FRS2: variants seen among roughly 807,000 people sequenced by gnomAD.
FRS2 encodes FGFR signalling adaptor.
FRS2 carries 8 observed loss-of-function variants against 43.9 expected under a neutral mutation model. The ratio of observed to expected loss-of-function variants is 0.18; its 90% confidence interval spans 0.11 to 0.33. The LOEUF is 0.33. Among genes scored for constraint, FRS2 ranks in the 10% least tolerant of loss-of-function variants. The pLI is 1.00. For missense variants in FRS2, 534 were observed against 627.6 expected, an observed-to-expected ratio of 0.85 and a Z score of 1.59; for synonymous variants, 219 against 220.3, an observed-to-expected ratio of 0.99 and a Z score of 0.05.
chr12:69,485,570 C>T (rs1592920387), intron 1 of FRS2, among the ~76,000 whole-genome samples: 2 of 152,242 alleles, frequency 1.3e-5, no homozygotes, highest in South Asian at 4.2e-4. Flanking sequence ...GCAACCTCCA[C>T]CTCCCAAGTT....
chr12:69,532,949 A>G (rs1425868429), intron 3 of FRS2, among the ~76,000 whole-genome samples: 2 of 152,216 alleles, frequency 1.3e-5, no homozygotes, highest in East Asian at 1.9e-4. Context: ...AGTCTTTTGT[A>G]TGGCATAGTA....
In FRS2 at chr12:69,578,288, C is replaced by A. The variant is rs1465610506; in HGVS notation, c.*3333C>A. The A allele has an allele frequency of 1.3e-5, 2 of 152,536 alleles. No homozygotes were observed. The highest frequency in any genetic ancestry group is 2.9e-5 in the Non-Finnish European group (2 of 68,010). The allele number at this position is 152,536 out of a possible 1,614,324, so 9.4% of individuals were successfully genotyped here. A position where few individuals can be genotyped will look rare whatever the true frequency, so the allele number is the denominator to read the frequency against. On this transcript the variant is annotated 3_prime_UTR_variant, in exon 9 of 9. Coordinates refer to ENST00000549921, the MANE Select transcript of FRS2 (RefSeq NM_001278356.2). ...GTAACTGATGTATTGGCATCTCATT[C>A]ATATTTCTGATGTGTGAGGTATATG...
intron 3 of FRS2, among the ~76,000 whole-genome samples, chr12:69,545,469 C>T (rs2135717695): frequency 6.6e-6 from 1 of 152,048 alleles, no homozygotes; most frequent in Middle Eastern, 3.4e-3. Context: ...GCAGAGAACC[C>T]AGAAATAGAC....
chr12:69,552,077 G>A (rs963780474), intron 3 of FRS2, among the ~76,000 whole-genome samples: 2 of 151,660 alleles, frequency 1.3e-5, no homozygotes, highest in Non-Finnish European at 2.9e-5. Context: ...AGGCCAAGGC[G>A]GGCAGATCAC....
At position 69,578,918 on chromosome 12, in the gene FRS2, T is replaced by C. The variant is rs1037136839; in HGVS notation, c.*3963T>C. Reference sequence around the variant, plus strand: ...GTTAATTTCTTTTATAAACATTCCATATTTCTCTAATAAAAAGACATAAGT... The same window carrying C: ...GTTAATTTCTTTTATAAACATTCCACATTTCTCTAATAAAAAGACATAAGT... On this transcript the variant is annotated 3_prime_UTR_variant, in exon 9 of 9. Coordinates refer to ENST00000549921, the MANE Select transcript of FRS2 (RefSeq NM_001278356.2). The C allele has an allele frequency of 6.6e-6, 1 of 152,658 alleles. No homozygotes were observed. The highest frequency in any genetic ancestry group is 2.4e-5 in the African/African-American group (1 of 41,464). The allele number at this position is 152,658 out of a possible 1,614,324, so 9.5% of individuals were successfully genotyped here.
chr12:69,549,903 G>C (rs968113407), intron 3 of FRS2, among the ~76,000 whole-genome samples: 4 of 152,152 alleles, frequency 2.6e-5, no homozygotes, highest in Non-Finnish European at 5.9e-5. Context: ...TGAATGTCCA[G>C]TCTCCTTGTG....
intron 1 of FRS2, among the ~76,000 whole-genome samples, chr12:69,517,144 T>C (rs1381054738): frequency 2.6e-5 from 4 of 152,208 alleles, no homozygotes; most frequent in Non-Finnish European, 5.9e-5. Context: ...ACCTTTTCTG[T>C]GTGCAGAATG....
intron 4 of FRS2, among the ~76,000 whole-genome samples, chr12:69,567,888 C>A (rs1880429643): frequency 6.6e-6 from 1 of 152,174 alleles, no homozygotes; most frequent in Admixed American, 6.5e-5. Flanking sequence ...TACATTGTAT[C>A]TGATCGGATC....
intron 3 of FRS2, among the ~76,000 whole-genome samples, chr12:69,545,954 ATTAAC>A (rs201234986): frequency 0.018 from 2,699 of 152,262 alleles, 35 homozygotes; most frequent in Non-Finnish European, 0.019. Context: ...ATATACAAAA[ATTAAC>A]TTAAAATGAA....
At chr12:69,561,918 A>G (rs1237918953) in intron 3 of FRS2, among the ~76,000 whole-genome samples, 1 of 152,232 alleles carries the variant, frequency 6.6e-6, no homozygotes, top group Non-Finnish European at 1.5e-5. Context: ...TGCAAGTATT[A>G]TCGCTGTAGT....
At position 69,572,257 on chromosome 12, in the gene FRS2, T is replaced by G. The variant is rs749773957; in HGVS notation, c.552T>G (p.His184Gln). Reference protein sequence around the residue: ...RLPSVGEESTHPLLVAEEQVH... With the variant: ...RLPSVGEESTQPLLVAEEQVH... ...CTTCAGTAGGGGAAGAATCTACACATCCTTTGCTTGTGGCTGAGGAACAAG... is the reference window on the plus strand; with the variant it reads ...CTTCAGTAGGGGAAGAATCTACACAGCCTTTGCTTGTGGCTGAGGAACAAG... The change falls in exon 8 of 9, where the codon CAT (histidine) becomes CAG (glutamine). Residue 184 changes from histidine to glutamine, a missense_variant. Transcript: ENST00000549921. The G allele has an allele frequency of 1.2e-6, 2 of 1,613,940 alleles. No individual in the cohort carries two copies. Among genetic ancestry groups the G allele is most frequent in the Non-Finnish European group, 1.7e-6 (2 of 1,179,852 alleles).
intron 3 of FRS2, 145 bp from the exon 4 acceptor site, chr12:69,562,035 A>G (rs1879921457): frequency 2.6e-6 from 1 of 383,758 alleles, no homozygotes; most frequent in Non-Finnish European, 4.6e-6. Flanking sequence ...AATTGATGTT[A>G]TATGTTAAAT....
At chr12:69,531,123 A>G (rs1266036149) in intron 2 of FRS2, among the ~76,000 whole-genome samples, 163 bp downstream of exon 2, 9 of 152,056 alleles carry the variant, frequency 5.9e-5, no homozygotes, top group Admixed American at 5.9e-4. Flanking sequence ...TGAGGTCAGG[A>G]ATTCAAGACC....
intron 3 of FRS2, among the ~76,000 whole-genome samples, chr12:69,535,114 T>G (rs1877149362): frequency 6.6e-6 from 1 of 152,158 alleles, no homozygotes; most frequent in Non-Finnish European, 1.5e-5. Context: ...TTTAAAAAAC[T>G]GAGTGTTTTT....
At chr12:69,484,207 C>T (rs1043107091) in intron 1 of FRS2, among the ~76,000 whole-genome samples, 4 of 152,094 alleles carry the variant, frequency 2.6e-5, no homozygotes, top group African/African-American at 9.7e-5. Flanking sequence ...GCCTCAGCCT[C>T]CTGAGTAGCT....
chr12:69,545,442 T>C (rs1015144759), intron 3 of FRS2, among the ~76,000 whole-genome samples: 4 of 152,116 alleles, frequency 2.6e-5, no homozygotes, highest in Admixed American at 2.6e-4. Flanking sequence ...GGCAGACATA[T>C]AGCCCAATGG....
intron 1 of FRS2, among the ~76,000 whole-genome samples, chr12:69,524,754 G>A (rs1266385597): frequency 6.6e-6 from 1 of 152,150 alleles, no homozygotes; most frequent in African/African-American, 2.4e-5. Context: ...TCTAGACTTG[G>A]CACAGGCTGG....
At chr12:69,562,027 T>A (rs1024527714) in intron 3 of FRS2, 153 bp from the exon 4 acceptor site, 5 of 379,178 alleles carry the variant, frequency 1.3e-5, no homozygotes, top group Non-Finnish European at 1.9e-5. Flanking sequence ...CTTTTTAAAA[T>A]TGATGTTATA....
chr12:69,493,393 G>T (rs913992677), intron 1 of FRS2, among the ~76,000 whole-genome samples: 6 of 152,148 alleles, frequency 3.9e-5, no homozygotes, highest in African/African-American at 1.4e-4. Flanking sequence ...AATGCCCTTT[G>T]AACCTGTTAA....
Sources: allele counts gnomAD v4.1 joint callset (sites outside exome capture counted in the v4.1 genomes callset), GRCh38; gene constraint gnomAD v4.1.1; transcripts MANE v1.5; gene names NCBI Gene and HGNC (gene_info 2026-07-23, HGNC 2026-07-21).